The following IL1RAPL1 variants were observed in gnomAD, a reference collection of about 807,000 sequenced individuals.
The protein encoded by IL1RAPL1 is interleukin-1 receptor accessory protein-like 1.
In IL1RAPL1, 3 loss-of-function variants were observed where a neutral mutation model predicts 48.4. That is an observed-to-expected ratio of 0.06 (90% confidence interval 0.03 to 0.16). The LOEUF is 0.16. Ranked by LOEUF, IL1RAPL1 falls within the 10% of genes least tolerant of loss-of-function variation. The probability of loss-of-function intolerance (pLI) is 1.00; values close to 1 mark genes in which losing one functional copy is unlikely to be tolerated. For missense variants in IL1RAPL1, 349 were observed against 530.6 expected (o/e 0.66, Z 3.36); for synonymous variants, 185 against 187.7 (o/e 0.99, Z 0.12).
intron 2 of IL1RAPL1, among the ~76,000 whole-genome samples, chrX:29,077,038 T>C (rs1927692636): frequency 9.0e-6 from 1 of 111,644 alleles, no homozygotes; most frequent in Non-Finnish European, 1.9e-5. Flanking sequence ...AGAATTTGGG[T>C]GTGAAAAGAC....
chrX:29,506,809 T>G (rs1935335714), intron 5 of IL1RAPL1, among the ~76,000 whole-genome samples: 1 of 110,603 alleles, frequency 9.0e-6, no homozygotes, highest in Non-Finnish European at 1.9e-5. Context: ...TCGGGGATAT[T>G]TCTGTCTTCA....
intron 5 of IL1RAPL1, among the ~76,000 whole-genome samples, chrX:29,515,882 C>T (rs1002071557): frequency 9.0e-5 from 10 of 111,145 alleles, no homozygotes; most frequent in East Asian, 8.5e-4. Context: ...GATAGGGTTT[C>T]GCCATGTTGC....
At chrX:29,925,625 A>ATTCCTGGGTTCAAGCAATCCTCTG in intron 8 of IL1RAPL1, among the ~76,000 whole-genome samples, 1 of 105,271 alleles carries the variant, frequency 9.5e-6, no homozygotes, top group South Asian at 4.4e-4. Flanking sequence ...GCAACCTCGA[A>ATTCCTGGGTTCAAGCAATCCTCTG]TTCCTGGGTT....
chrX:29,287,668 A>G lies in IL1RAPL1; in HGVS notation c.362+4451A>G, dbSNP rs1480312854. On this transcript the variant is annotated intron_variant, in intron 3 of 10. Coordinates refer to ENST00000378993, the MANE Select transcript of IL1RAPL1 (RefSeq NM_014271.4). ...ATTTGCATTTTCCTAATGGCTAATG[A>G]TTAAAATTTTCATGTGTTGATTTGC... Among the ~76,000 whole-genome samples the G allele has an allele frequency of 3.6e-5, 4 of 112,286 alleles. No homozygotes were observed. The Admixed American group carries it at 3.8e-4, about 11-fold the overall frequency.
intron 1 of IL1RAPL1, among the ~76,000 whole-genome samples, chrX:28,718,306 C>A (rs1935528331): frequency 9.0e-6 from 1 of 111,590 alleles, no homozygotes; most frequent in Non-Finnish European, 1.9e-5. Context: ...ATTCATTTTT[C>A]ATTCAAATTT....
chrX:28,610,481 C>T (rs1934133956), intron 1 of IL1RAPL1, among the ~76,000 whole-genome samples: 1 of 112,448 alleles, frequency 8.9e-6, no homozygotes, highest in Admixed American at 9.4e-5. Context: ...AGGGCTAAGG[C>T]ATGGAAGTAA....
At chrX:28,988,310 C>T (rs772654005) in intron 2 of IL1RAPL1, among the ~76,000 whole-genome samples, 66 of 112,025 alleles carry the variant, frequency 5.9e-4, no homozygotes, top group Non-Finnish European at 8.5e-4. Context: ...CGTAATTCAT[C>T]CTCCATTCAT....
intron 5 of IL1RAPL1, among the ~76,000 whole-genome samples, chrX:29,555,358 G>A (rs777383438): frequency 7.1e-5 from 8 of 112,427 alleles, no homozygotes; most frequent in Non-Finnish European, 1.5e-4. Context: ...CAGACAGTGA[G>A]TTTGAAGAAC....
intron 5 of IL1RAPL1, among the ~76,000 whole-genome samples, chrX:29,635,740 A>G (rs1327483553): frequency 9.1e-6 from 1 of 110,487 alleles, no homozygotes; most frequent in African/African-American, 3.3e-5. Context: ...AATCATTTTC[A>G]GTGAATTCAA....
At chrX:29,334,917 A>G (rs1398774547) in intron 3 of IL1RAPL1, among the ~76,000 whole-genome samples, 10 of 112,760 alleles carry the variant, frequency 8.9e-5, no homozygotes, top group Non-Finnish European at 1.9e-4. Flanking sequence ...TGGGGGGCCA[A>G]TGCAGGCGGC....
At chrX:29,543,988 C>T (rs1489163773) in intron 5 of IL1RAPL1, among the ~76,000 whole-genome samples, 1 of 112,152 alleles carries the variant, frequency 8.9e-6, no homozygotes, top group African/African-American at 3.2e-5. Context: ...TCTTTGTTCA[C>T]ATGTCTCATA....
At chrX:29,314,226 A>G (rs1413777099) in intron 3 of IL1RAPL1, among the ~76,000 whole-genome samples, 1 of 111,932 alleles carries the variant, frequency 8.9e-6, no homozygotes, top group Non-Finnish European at 1.9e-5. Context: ...TATTTTTTAT[A>G]GAGTTTTGAG....
intron 2 of IL1RAPL1, among the ~76,000 whole-genome samples, chrX:29,126,101 G>C (rs1298264735): frequency 1.8e-5 from 2 of 111,153 alleles, no homozygotes; most frequent in African/African-American, 3.3e-5. Flanking sequence ...ATTGTTGTTA[G>C]AGTGGCTGCT....
At chrX:29,924,745 G>C (rs1932872225) in intron 8 of IL1RAPL1, among the ~76,000 whole-genome samples, 1 of 111,722 alleles carries the variant, frequency 9.0e-6, no homozygotes, top group African/African-American at 3.3e-5. Context: ...GTATCTATCT[G>C]AGAGACTCAG....
At chrX:29,507,690 C>A (rs1443209405) in intron 5 of IL1RAPL1, among the ~76,000 whole-genome samples, 1 of 108,895 alleles carries the variant, frequency 9.2e-6, no homozygotes, top group Non-Finnish European at 1.9e-5. Flanking sequence ...TTAGATAGTA[C>A]CTATAGTGTG....
intron 6 of IL1RAPL1, among the ~76,000 whole-genome samples, chrX:29,799,224 T>C (rs1335144535): frequency 8.9e-6 from 1 of 112,546 alleles, no homozygotes; most frequent in African/African-American, 3.2e-5. Flanking sequence ...TTATGGATGT[T>C]TTATAAAGTG....
At chrX:29,943,793 G>T (rs984419043) in intron 9 of IL1RAPL1, among the ~76,000 whole-genome samples, 1 of 112,080 alleles carries the variant, frequency 8.9e-6, no homozygotes, top group Non-Finnish European at 1.9e-5. Flanking sequence ...TTAATCATAC[G>T]CAGTGGAACT....
At chrX:29,097,993 A>C (rs890213098) in intron 2 of IL1RAPL1, among the ~76,000 whole-genome samples, 3 of 111,958 alleles carry the variant, frequency 2.7e-5, no homozygotes, top group Non-Finnish European at 3.8e-5. Flanking sequence ...TTGTCAAATG[A>C]AAGTTGAAAG....
intron 6 of IL1RAPL1, among the ~76,000 whole-genome samples, chrX:29,760,431 A>G (rs961198376): frequency 7.1e-5 from 8 of 111,969 alleles, no homozygotes; most frequent in African/African-American, 2.6e-4. Flanking sequence ...ATTATCTCCT[A>G]GAACTGCATG....
Sources: allele counts gnomAD v4.1 joint callset (sites outside exome capture counted in the v4.1 genomes callset), GRCh38; gene constraint gnomAD v4.1.1; transcripts MANE v1.5; gene names NCBI Gene and HGNC (gene_info 2026-07-23, HGNC 2026-07-21).